SCYL2: variants seen among roughly 807,000 people sequenced by gnomAD.
SCYL2 encodes the protein SCY1 like pseudokinase 2, also known as SCY1-like protein 2.
SCYL2 carries 36 observed loss-of-function variants against 100.4 expected under a neutral mutation model. The ratio of observed to expected loss-of-function variants is 0.36; its 90% CI spans 0.27 to 0.47. SCYL2 has a LOEUF of 0.47. Among genes scored for constraint, SCYL2 ranks in the 20% least tolerant of loss-of-function variants. The pLI is 1.00. For missense variants in SCYL2, 902 were observed against 1,083.9 expected (o/e 0.83, Z 2.36); for synonymous variants, 330 against 359.2 (o/e 0.92, Z 0.92).
At chr12:100,307,993 T>C (rs2096336775) in intron 4 of SCYL2, among the ~76,000 whole-genome samples, 1 of 152,158 alleles carries the variant, frequency 6.6e-6, no homozygotes, top group South Asian at 2.1e-4. Flanking sequence ...AAACAACAGA[T>C]GCTGGAGAGG....
intron 9 of SCYL2, among the ~76,000 whole-genome samples, chr12:100,315,958 T>C (rs1190896030): frequency 6.6e-6 from 1 of 152,224 alleles, no homozygotes; most frequent in Non-Finnish European, 1.5e-5. Context: ...TAAGTTACTA[T>C]CTCAGAAGAT....
At chr12:100,337,725 G>C (rs943761409) in intron 17 of SCYL2, among the ~76,000 whole-genome samples, 2 of 152,140 alleles carry the variant, frequency 1.3e-5, no homozygotes, top group African/African-American at 4.8e-5. Flanking sequence ...TAAAAAAGAA[G>C]CTAGAAGAAT....
At chr12:100,273,471 C>T (rs1189643167) in intron 1 of SCYL2, among the ~76,000 whole-genome samples, 1 of 152,012 alleles carries the variant, frequency 6.6e-6, no homozygotes, top group Non-Finnish European at 1.5e-5. Context: ...TTTTCATTTA[C>T]TTCCTTCCCA....
intron 1 of SCYL2, among the ~76,000 whole-genome samples, chr12:100,282,498 G>A (rs1229284711): frequency 1.3e-5 from 2 of 151,548 alleles, no homozygotes; most frequent in Non-Finnish European, 2.9e-5. Flanking sequence ...GCTAATTTTT[G>A]TATTTTTGGT....
chr12:100,317,972 A>C (rs2096351021), intron 10 of SCYL2, 47 bp downstream of exon 10: 1 of 1,505,204 alleles, frequency 6.6e-7, no homozygotes, highest in South Asian at 1.4e-5. Flanking sequence ...TTGATTCTTA[A>C]AGCAGAAGAA....
intron 13 of SCYL2, 133 bp downstream of exon 13, chr12:100,329,452 A>C (rs1952181150): frequency 3.9e-6 from 2 of 510,804 alleles, no homozygotes; most frequent in African/African-American, 1.9e-5. Flanking sequence ...CTAAATGAAG[A>C]AAGTTTGTGG....
At chr12:100,269,700 A>G (rs2096285214) in intron 1 of SCYL2, among the ~76,000 whole-genome samples, 1 of 152,286 alleles carries the variant, frequency 6.6e-6, no homozygotes, top group Admixed American at 6.5e-5. Flanking sequence ...TAGAATTGGC[A>G]TTTGAACTCA....
intron 15 of SCYL2, 24 bp downstream of exon 15, chr12:100,335,715 A>G: frequency 6.2e-7 from 1 of 1,602,558 alleles, no homozygotes; most frequent in East Asian, 2.2e-5. Flanking sequence ...TAATTTTTGC[A>G]GAAAGTATGC....
At chr12:100,323,102 T>C (rs999363043) in intron 10 of SCYL2, among the ~76,000 whole-genome samples, 3 of 151,854 alleles carry the variant, frequency 2.0e-5, no homozygotes, top group African/African-American at 7.2e-5. Context: ...TGTTATCATA[T>C]GGATATATGT....
intron 3 of SCYL2, among the ~76,000 whole-genome samples, chr12:100,294,904 G>A (rs1280896878): frequency 2.0e-5 from 3 of 151,896 alleles, no homozygotes; most frequent in African/African-American, 7.2e-5. Flanking sequence ...TCTCAGACGG[G>A]GCGGCTGCTG....
chr12:100,297,946 A>G, intron 3 of SCYL2, 85 bp from the exon 4 acceptor site: 1 of 1,039,936 alleles, frequency 9.6e-7, no homozygotes, highest in Non-Finnish European at 1.4e-6. Context: ...TGATAGTTTA[A>G]TAGGAGCACT....
At position 100,335,821 on chromosome 12, in the gene SCYL2, A is replaced by C. The variant is rs1952268807; in HGVS notation, c.1940A>C (p.Lys647Thr). Residue 647 changes from lysine (K) to threonine (T), a missense_variant, in exon 16 of 18, where the codon AAA becomes ACA. Physicochemically the swap from Lys to Thr is moderately conservative, Grantham distance 78. Transcript: ENST00000360820. Reference sequence around the variant, plus strand: ...ATTTTTCTATTTCAGCAAATTGACAAAGTTTTTAACAACATTGGAGCAGAC... The same window carrying C: ...ATTTTTCTATTTCAGCAAATTGACACAGTTTTTAACAACATTGGAGCAGAC... ...VTNIGNQQID[K>T]VFNNIGADLL... is the part of the protein sequence containing the mutation. 1 of 1,612,820 alleles carries C rather than the reference A, an allele frequency of 6.2e-7. No individual in the cohort carries two copies. The highest frequency in any genetic ancestry group is 8.5e-7 in the Non-Finnish European group (1 of 1,179,240).
chr12:100,323,559 A>G lies in SCYL2; in HGVS notation c.1430A>G (p.Asn477Ser). ...LCLNIIPTFA[N>S]LIDYPSMKNA... ...CTAAACATCATTCCAACCTTTGCAA[A>G]TCTTATAGACTACCCATCCATGAAA... Residue 477 changes from asparagine to serine, a missense_variant, in exon 11 of 18, where the codon AAT becomes AGT. Physicochemically the swap from Asn to Ser is conservative, Grantham distance 46. Transcript: ENST00000360820. 6.2e-7 allele frequency: 1 copy of G among 1,603,236 alleles called. No individual in the cohort carries two copies.
chr12:100,337,369 G>A lies in SCYL2; in HGVS notation c.2026-18G>A. The stretch of plus-strand genomic sequence containing the variant: ...TTAATAAATTGCCGGTTGATTTTTT[G>A]CTTTATTTTGTTTTAAGGCATCACT... On this transcript the variant is annotated intron_variant, in intron 16 of 17. Transcript: ENST00000360820. 1.9e-6 allele frequency: 3 copies of A among 1,595,898 alleles called. No homozygotes were observed. Among genetic ancestry groups the A allele is most frequent in the Non-Finnish European group, 2.6e-6 (3 of 1,175,308 alleles).
intron 1 of SCYL2, among the ~76,000 whole-genome samples, chr12:100,278,547 G>A (rs957823612): frequency 3.3e-5 from 5 of 151,878 alleles, no homozygotes; most frequent in African/African-American, 1.2e-4. Context: ...TAGAATTCTA[G>A]GCTGACAGTT....
Position 100,315,711 on chromosome 12 carries a change from T to A in SCYL2, c.1249T>A (p.Phe417Ile). 6.2e-7 allele frequency: 1 copy of A among 1,608,904 alleles called. No homozygotes were observed. Among genetic ancestry groups the A allele is most frequent in the Non-Finnish European group, 8.5e-7 (1 of 1,177,464 alleles). Residue 417 changes from phenylalanine to isoleucine, a missense_variant, in exon 9 of 18, where the codon TTT becomes ATT. Phe to Ile is a conservative substitution (Grantham distance 21). Transcript: ENST00000360820. ...KLILPELGPV[F>I]KQQEPIQILL... ...AATTCTTCCTGAACTTGGCCCTGTG[T>A]TTAAGCAGCAGGAGCCAATCCAGGT...
intron 3 of SCYL2, among the ~76,000 whole-genome samples, chr12:100,297,306 A>G (rs1338530335): frequency 2.0e-5 from 3 of 152,208 alleles, no homozygotes; most frequent in Non-Finnish European, 4.4e-5. Context: ...AGTAGTGTCC[A>G]TTGTTACCAA....
intron 4 of SCYL2, among the ~76,000 whole-genome samples, chr12:100,309,859 T>A (rs567784071): frequency 6.6e-6 from 1 of 152,348 alleles, no homozygotes; most frequent in South Asian, 2.1e-4. Flanking sequence ...CTGTTTTACA[T>A]AGCACCTATA....
At chr12:100,309,335 T>G (rs2096339007) in intron 4 of SCYL2, among the ~76,000 whole-genome samples, 1 of 152,190 alleles carries the variant, frequency 6.6e-6, no homozygotes, top group African/African-American at 2.4e-5. Context: ...TGTTTTCATC[T>G]TAGCAATCTG....
Sources: gnomAD v4.1 joint callset for allele counts (sites outside exome capture counted in the v4.1 genomes callset) on GRCh38, gnomAD v4.1.1 for gene constraint, MANE v1.5 for transcripts, NCBI Gene and HGNC (gene_info 2026-07-23, HGNC 2026-07-21) for gene names.